Variants in ZDHHC24 observed in about 807,000 individuals in gnomAD.
The protein encoded by ZDHHC24 is zDHHC palmitoyltransferase 24, also known as probable palmitoyltransferase ZDHHC24.
Under a neutral mutation model 23.2 loss-of-function variants are expected in ZDHHC24, and 17 were observed. The observed-to-expected ratio is 0.73, with a 90% CI of 0.50 to 1.10. The LOEUF (loss-of-function observed/expected upper bound fraction) is 1.10, where lower values mean the gene tolerates loss of function less well. ZDHHC24 is among the 50% of genes least tolerant of loss of function. ZDHHC24 has a pLI of 0.00. For synonymous variants in ZDHHC24, 186 were observed against 194.5 expected, an observed-to-expected ratio of 0.96 and a Z score of 0.36; for missense variants, 366 against 393.0, an observed-to-expected ratio of 0.93 and a Z score of 0.58.
chr11:66,529,929 G>T lies in ZDHHC24; in HGVS notation c.560-441C>A. ...GAGCCCCCTGTCCACGACAGCCCGA[G>T]AGCCACTCAAGCTGCACGCCGTGGT... On this transcript the variant is annotated intron_variant, in intron 2 of 4. Transcript: ENST00000526986. 6.2e-7 allele frequency: 1 copy of T among 1,604,866 alleles called. No individual in the cohort carries two copies. The highest frequency in any genetic ancestry group is 8.5e-7 in the Non-Finnish European group (1 of 1,179,670).
In ZDHHC24 at chr11:66,545,791, G is replaced by A. The variant is rs1303396141; in HGVS notation, c.213C>T (p.Leu71=). 2 of 1,587,616 alleles carry A rather than the reference G, an allele frequency of 1.3e-6. No individual in the cohort carries two copies. The highest frequency in any genetic ancestry group is 1.1e-5 in the South Asian group (1 of 88,752). The change falls in exon 1 of 3, where the codon CTC becomes CTT. Residue 71 remains leucine, a synonymous_variant. Transcript: ENST00000310442. The surrounding 1 kb of genome is among the most constrained non-coding windows in gnomAD (Gnocchi z 4.5). The part of the protein sequence containing the change: ...QLLNLLGNVG[L]FLRSDPSIRG... The stretch of plus-strand genomic sequence containing the variant: ...GGATGCTGGGATCCGAGCGCAGGAA[G>A]AGCCCCACGTTGCCCAGCAGGTTGA...
downstream of ZDHHC24, chr11:66,531,888 A>C: frequency 6.3e-7 from 1 of 1,577,230 alleles, no homozygotes; most frequent in Non-Finnish European, 8.6e-7. Context: ...CATTAGGGCC[A>C]GCGCAGACCA....
chr11:66,532,716 A>C (rs1856836570), downstream of ZDHHC24: 1 of 152,920 alleles, frequency 6.5e-6, no homozygotes, highest in African/African-American at 2.4e-5. Context: ...CCCCGCAGGG[A>C]GCTGGTGGCT....
chr11:66,521,096 CT>C, exon 5 of ZDHHC24: 1 of 669,902 alleles, frequency 1.5e-6, no homozygotes, highest in Non-Finnish European at 2.7e-6. Context: ...GACTAAAAGG[CT>C]TTTGCTAAAT....
In ZDHHC24 at chr11:66,523,577, G is replaced by A. The variant is rs746875134; in HGVS notation, c.*22-2111C>T. 13 of 1,614,136 alleles carry A rather than the reference G, an allele frequency of 8.1e-6. No individual in the cohort carries two copies. The highest frequency in any genetic ancestry group is 5.5e-5 in the South Asian group (5 of 91,078). On this transcript the variant is annotated intron_variant, in intron 4 of 4. Coordinates refer to the ZDHHC24 transcript ENST00000526986. ...CAGCCTGCATGGCTTCACCCACAAG[G>A]TGCAGCCCCCAGCAAGCAGCAGCCC...
intron 2 of ZDHHC24, 70 bp downstream of exon 2, chr11:66,543,634 G>T: frequency 6.8e-7 from 1 of 1,463,248 alleles, no homozygotes; most frequent in South Asian, 1.4e-5. Flanking sequence ...TCTCCCACCA[G>T]AATGGGCTGT....
intron 4 of ZDHHC24, chr11:66,526,093 C>T (rs1026584123): frequency 1.2e-6 from 2 of 1,611,602 alleles, no homozygotes; most frequent in African/African-American, 1.3e-5. Flanking sequence ...CAAGATATTT[C>T]CCCAACTAAA....
chr11:66,523,115 C>G (rs1391701396), intron 4 of ZDHHC24: 3 of 484,690 alleles, frequency 6.2e-6, no homozygotes, highest in Non-Finnish European at 1.2e-5. Context: ...CCTAAGTCCA[C>G]TTGTCCTGGC....
intron 4 of ZDHHC24, among the ~76,000 whole-genome samples, chr11:66,522,203 G>A (rs898750288): frequency 7.9e-5 from 12 of 151,170 alleles, no homozygotes; most frequent in Admixed American, 5.3e-4. Flanking sequence ...GGCACAGAGC[G>A]AGACTCTGTC....
At chr11:66,522,711 G>T in intron 4 of ZDHHC24, 1 of 197,382 alleles carries the variant, frequency 5.1e-6, no homozygotes, top group Non-Finnish European at 1.0e-5. Context: ...GCAGTGTGTG[G>T]TATTAGGGAT....
intron 2 of ZDHHC24, chr11:66,529,778 C>G (rs1439364517): frequency 6.2e-7 from 1 of 1,607,220 alleles, no homozygotes; most frequent in Non-Finnish European, 8.5e-7. Flanking sequence ...TCCCTGCCAC[C>G]CCCCACCTCC....
intron 4 of ZDHHC24, among the ~76,000 whole-genome samples, chr11:66,522,279 C>G (rs1856274058): frequency 6.6e-6 from 1 of 150,728 alleles, no homozygotes; most frequent in Non-Finnish European, 1.5e-5. Context: ...TTGTTACTTT[C>G]TAGGGTACAT....
Position 66,537,756 on chromosome 11 carries a change from G to T in ZDHHC24, c.*1773C>A, listed in dbSNP as rs146249445. 1 of 146,202 alleles carries T rather than the reference G, an allele frequency of 6.8e-6. No homozygotes were observed. Among genetic ancestry groups the T allele is most frequent in the African/African-American group, 2.5e-5 (1 of 40,760 alleles). 9.1% of individuals were successfully genotyped at this position (146,202 alleles called of 1,614,324 possible). On this transcript the variant is annotated 3_prime_UTR_variant, in exon 3 of 3. Coordinates refer to ENST00000310442, the MANE Select transcript of ZDHHC24 (RefSeq NM_207340.3). The stretch of plus-strand genomic sequence containing the variant: ...ATCCTGGCTAACACGGTGAAACCTC[G>T]TCTCTACTAAAAATACAAAAAATTA...
intron 2 of ZDHHC24, chr11:66,529,785 C>T (rs1396978273): frequency 1.9e-6 from 3 of 1,608,176 alleles, no homozygotes; most frequent in Non-Finnish European, 2.5e-6. Flanking sequence ...CACCCCCCAC[C>T]TCCACCGTCA....
chr11:66,531,867 C>A (rs566937489), downstream of ZDHHC24: 9 of 1,591,918 alleles, frequency 5.7e-6, no homozygotes, highest in African/African-American at 6.7e-5. Flanking sequence ...CAGTGGAGCC[C>A]TGTGGCCTGT....
At chr11:66,530,101 G>C (rs913879805) in intron 2 of ZDHHC24, 2 of 1,153,008 alleles carry the variant, frequency 1.7e-6, no homozygotes, top group Non-Finnish European at 1.2e-6. Context: ...CCTGGGGACC[G>C]AGTCTCATGT....
At chr11:66,528,147 C>T (rs1856601563) in intron 3 of ZDHHC24, among the ~76,000 whole-genome samples, 1 of 152,106 alleles carries the variant, frequency 6.6e-6, no homozygotes, top group African/African-American at 2.4e-5. Context: ...ACCTAGGAGG[C>T]AAAGGTTGCA....
chr11:66,529,669 C>CT (rs1382516988), intron 2 of ZDHHC24: 4 of 1,026,018 alleles, frequency 3.9e-6, no homozygotes, highest in Non-Finnish European at 4.4e-6. Flanking sequence ...AGGCTGGGCT[C>CT]TTTCCCTCCT....
chr11:66,523,693 C>T (rs754022677), intron 4 of ZDHHC24: 5 of 1,610,076 alleles, frequency 3.1e-6, no homozygotes, highest in Non-Finnish European at 4.2e-6. Flanking sequence ...AAGCCCTGAG[C>T]CCTCCACAGA....
Sources: allele counts gnomAD v4.1 joint callset (sites outside exome capture counted in the v4.1 genomes callset), GRCh38; gene constraint gnomAD v4.1.1; non-coding constraint Gnocchi (gnomAD v3.1); transcripts MANE v1.5; gene names NCBI Gene and HGNC (gene_info 2026-07-23, HGNC 2026-07-21).